Variants in VAV3 observed in about 807,000 individuals in gnomAD.
VAV3 encodes guanine nucleotide exchange factor VAV3.
A neutral mutation model predicts 131.2 loss-of-function variants in VAV3; 94 were observed. The ratio of observed to expected loss-of-function variants is 0.72; its 90% CI spans 0.61 to 0.85. The LOEUF is 0.85. Among genes scored for constraint, VAV3 ranks in the 40% least tolerant of loss-of-function variants. The probability of loss-of-function intolerance (pLI) is 0.00; values close to 1 mark genes in which losing one functional copy is unlikely to be tolerated. For missense variants in VAV3, 939 were observed against 1,002.7 expected (o/e 0.94, Z 0.86); for synonymous variants, 349 against 342.0 (o/e 1.02, Z -0.22).
chr1:107,935,003 C>T (rs1673638605), intron 1 of VAV3, among the ~76,000 whole-genome samples: 1 of 152,224 alleles, frequency 6.6e-6, no homozygotes, highest in Admixed American at 6.5e-5. Context: ...CCCTCTATCA[C>T]TTTTCTTCAT....
intron 15 of VAV3, among the ~76,000 whole-genome samples, chr1:107,712,970 CAG>C (rs1660874822): frequency 6.6e-6 from 1 of 152,140 alleles, no homozygotes; most frequent in Non-Finnish European, 1.5e-5. Flanking sequence ...GGAAAAACAG[CAG>C]GCTTAAATAT....
chr1:107,889,653 C>T (rs1276975043), intron 1 of VAV3, among the ~76,000 whole-genome samples: 1 of 152,210 alleles, frequency 6.6e-6, no homozygotes, highest in South Asian at 2.1e-4. Flanking sequence ...ACCACATCTG[C>T]CTTACAAGAG....
intron 2 of VAV3, among the ~76,000 whole-genome samples, chr1:107,828,955 G>A (rs1668127931): frequency 6.6e-6 from 1 of 152,146 alleles, no homozygotes; most frequent in Admixed American, 6.5e-5. Flanking sequence ...TACATCATTT[G>A]CAAAGCCCCT....
intron 1 of VAV3, chr1:107,963,532 G>T: frequency 6.6e-6 from 1 of 152,202 alleles, no homozygotes; most frequent in East Asian, 1.9e-4. Context: ...AAGTGCAGGG[G>T]ACCCTGATGA....
At chr1:107,894,743 G>C (rs570834546) in intron 1 of VAV3, among the ~76,000 whole-genome samples, 1 of 152,130 alleles carries the variant, frequency 6.6e-6, no homozygotes, top group South Asian at 2.1e-4. Context: ...ATTTCAAACT[G>C]TTTGCTCACT....
intron 9 of VAV3, among the ~76,000 whole-genome samples, chr1:107,763,673 A>G (rs1345163442): frequency 2.0e-5 from 3 of 152,346 alleles, no homozygotes; most frequent in Non-Finnish European, 4.4e-5. Flanking sequence ...CTCCAGTCTT[A>G]AAGTCAACAT....
At chr1:107,733,505 C>T (rs148881250) in intron 15 of VAV3, among the ~76,000 whole-genome samples, 1,998 of 152,212 alleles carry the variant, frequency 0.013, 21 homozygotes, top group South Asian at 0.043. Context: ...AAAGATTAGA[C>T]GAATGGCTAA....
intron 2 of VAV3, among the ~76,000 whole-genome samples, chr1:107,859,073 GTT>G (rs576650255): frequency 3.1e-4 from 43 of 138,642 alleles, no homozygotes; most frequent in African/African-American, 9.0e-4. Context: ...TTCTTGAGGA[GTT>G]TTTTTTTTTT....
Position 107,589,185 on chromosome 1 carries a change from TC to T in VAV3, c.2350+7026del, listed in dbSNP as rs1350498341. 1.3e-5 allele frequency among the ~76,000 whole-genome samples: 2 copies of T among 152,034 alleles called. 1 individual carries two copies. ...ATTAATACAGTGGAACTGCAGTGGGTCGAATGGTGGCCCTTCAAAAAGATAT... is the reference window on the plus strand; with the variant it reads ...ATTAATACAGTGGAACTGCAGTGGGTGAATGGTGGCCCTTCAAAAAGATAT... On this transcript the variant is annotated intron_variant, in intron 25 of 26. Transcript: ENST00000370056.
At chr1:107,842,195 C>T (rs1668748580) in intron 2 of VAV3, among the ~76,000 whole-genome samples, 1 of 152,138 alleles carries the variant, frequency 6.6e-6, no homozygotes, top group African/African-American at 2.4e-5. Flanking sequence ...GTGTGGAACC[C>T]CTCTTCTTTA....
chr1:107,845,281 A>ACCCCAT (rs571395887), intron 2 of VAV3, among the ~76,000 whole-genome samples: 91 of 152,168 alleles, frequency 6.0e-4, no homozygotes, highest in African/African-American at 1.9e-3. Flanking sequence ...CCACACAAAA[A>ACCCCAT]CCCCATTCAA....
intron 1 of VAV3, among the ~76,000 whole-genome samples, chr1:107,879,545 T>C (rs1286006131): frequency 1.3e-5 from 2 of 152,200 alleles, no homozygotes; most frequent in Non-Finnish European, 2.9e-5. Flanking sequence ...GGCACAACAT[T>C]ACTTGAGTGT....
intron 19 of VAV3, among the ~76,000 whole-genome samples, chr1:107,651,616 A>C (rs1252267917): frequency 6.6e-6 from 1 of 152,034 alleles, no homozygotes; most frequent in Admixed American, 6.6e-5. Context: ...GTGCACACAC[A>C]TGCACATATA....
At chr1:107,640,516 C>T (rs751614814) in intron 20 of VAV3, among the ~76,000 whole-genome samples, 4 of 152,078 alleles carry the variant, frequency 2.6e-5, no homozygotes, top group Non-Finnish European at 5.9e-5. Context: ...CCAAGGGGCA[C>T]AAAAACTTTT....
intron 14 of VAV3, 126 bp from the exon 15 acceptor site, chr1:107,749,203 C>A: frequency 1.2e-6 from 1 of 849,952 alleles, no homozygotes; most frequent in Non-Finnish European, 1.8e-6. Flanking sequence ...AACAATCAAG[C>A]TTATTGTAGT....
At chr1:107,849,631 A>G (rs1433571667) in intron 2 of VAV3, among the ~76,000 whole-genome samples, 3 of 151,772 alleles carry the variant, frequency 2.0e-5, no homozygotes, top group Non-Finnish European at 4.4e-5. Context: ...CTAGTAGAAA[A>G]CCTAGGCAAT....
At chr1:107,712,070 G>A (rs964575109) in intron 15 of VAV3, among the ~76,000 whole-genome samples, 5 of 152,076 alleles carry the variant, frequency 3.3e-5, no homozygotes. Context: ...ACCTCTCTCC[G>A]ATTTACAAAT....
chr1:107,804,915 CGTT>C (rs1021091976), intron 2 of VAV3, among the ~76,000 whole-genome samples: 13 of 149,068 alleles, frequency 8.7e-5, no homozygotes, highest in Non-Finnish European at 1.3e-4. Flanking sequence ...TGAAGGATAG[CGTT>C]GTTGAAACAA....
intron 2 of VAV3, among the ~76,000 whole-genome samples, chr1:107,868,585 C>G (rs1670110751): frequency 6.6e-6 from 1 of 152,112 alleles, no homozygotes; most frequent in Admixed American, 6.6e-5. Context: ...GAATCACTGG[C>G]AAGGAAAAGA....
Sources: gnomAD v4.1 joint callset for allele counts (sites outside exome capture counted in the v4.1 genomes callset) on GRCh38, gnomAD v4.1.1 for gene constraint, MANE v1.5 for transcripts, NCBI Gene and HGNC (gene_info 2026-07-23, HGNC 2026-07-21) for gene names.